Variants in NRXN1 observed in about 807,000 individuals in gnomAD.
The protein encoded by NRXN1 is neurexin 1.
A neutral mutation model predicts 150.9 loss-of-function variants in NRXN1; 39 were observed. The ratio of observed to expected loss-of-function variants is 0.26; its 90% CI spans 0.20 to 0.34. The LOEUF (loss-of-function observed/expected upper bound fraction) is 0.34, where lower values mean the gene tolerates loss of function less well. NRXN1 is among the 10% of genes least tolerant of loss of function. NRXN1 has a pLI of 1.00. For synonymous variants in NRXN1, 924 were observed against 757.0 expected (o/e 1.22, Z -3.62); for missense variants, 1,815 against 1,949.9 (o/e 0.93, Z 1.30).
chr2:49,966,405 TGAAAATCTCATAA>T (rs1483982861), intron 21 of NRXN1, among the ~76,000 whole-genome samples: 2 of 152,138 alleles, frequency 1.3e-5, no homozygotes, highest in Admixed American at 6.5e-5. Flanking sequence ...ATTTTCAATA[TGAAAATCTCATAA>T]GAAAATCTCA....
chr2:50,568,145 T>G (rs1670147222), intron 8 of NRXN1, among the ~76,000 whole-genome samples: 1 of 152,132 alleles, frequency 6.6e-6, no homozygotes, highest in African/African-American at 2.4e-5. Context: ...AGCCTATTTC[T>G]ACCTCAACCT....
intron 5 of NRXN1, among the ~76,000 whole-genome samples, chr2:50,628,824 C>A (rs1333483341): frequency 6.6e-6 from 1 of 151,152 alleles, no homozygotes; most frequent in Admixed American, 6.6e-5. Context: ...ATAACAACAA[C>A]AACAAAAAAC....
chr2:50,234,732 A>C (rs2065261383), intron 18 of NRXN1, among the ~76,000 whole-genome samples: 1 of 152,066 alleles, frequency 6.6e-6, no homozygotes, highest in Admixed American at 6.6e-5. Context: ...GATTTTGAAG[A>C]TATCAAGTCC....
At chr2:50,302,626 T>C (rs17040458) in intron 17 of NRXN1, among the ~76,000 whole-genome samples, 26,909 of 152,124 alleles carry the variant, frequency 0.18, 2,628 homozygotes, top group East Asian at 0.4. Flanking sequence ...ACTTTAGCTC[T>C]TATATAAATG....
At chr2:50,731,486 A>G (rs1698107585) in intron 5 of NRXN1, among the ~76,000 whole-genome samples, 1 of 152,320 alleles carries the variant, frequency 6.6e-6, no homozygotes, top group Non-Finnish European at 1.5e-5. Flanking sequence ...GCAGATACAG[A>G]AATAAAGTGA....
At chr2:50,086,068 C>T (rs183397283) in intron 19 of NRXN1, among the ~76,000 whole-genome samples, 19 of 152,126 alleles carry the variant, frequency 1.2e-4, no homozygotes, top group Middle Eastern at 3.4e-3. Flanking sequence ...AAATGAAGGA[C>T]GTGGAATAGA....
intron 5 of NRXN1, among the ~76,000 whole-genome samples, chr2:50,631,908 T>G (rs1375857395): frequency 6.6e-6 from 1 of 151,962 alleles, no homozygotes; most frequent in Admixed American, 6.6e-5. Context: ...TCTTTTAACC[T>G]GAAGAAAATC....
chr2:49,948,180 A>T (rs960136826), intron 21 of NRXN1, among the ~76,000 whole-genome samples: 4 of 152,046 alleles, frequency 2.6e-5, no homozygotes, highest in Non-Finnish European at 5.9e-5. Flanking sequence ...CAACTGTGTG[A>T]CTCAGTGGGT....
chr2:50,785,832 C>T (rs1050326097), intron 5 of NRXN1, among the ~76,000 whole-genome samples: 1 of 151,986 alleles, frequency 6.6e-6, no homozygotes, highest in Non-Finnish European at 1.5e-5. Flanking sequence ...TCTGAGGAGG[C>T]TATTCTAGAG....
chr2:50,849,256 C>G (rs530151360), intron 5 of NRXN1, among the ~76,000 whole-genome samples: 4 of 152,208 alleles, frequency 2.6e-5, no homozygotes, highest in African/African-American at 7.2e-5. Flanking sequence ...ACCACAGGCC[C>G]TTGATCTCCC....
At chr2:50,160,556 G>T (rs962259647) in intron 18 of NRXN1, among the ~76,000 whole-genome samples, 2 of 151,808 alleles carry the variant, frequency 1.3e-5, no homozygotes, top group Non-Finnish European at 2.9e-5. Context: ...AAAAAAAATG[G>T]CTTTCTGTTA....
intron 5 of NRXN1, among the ~76,000 whole-genome samples, chr2:50,806,304 G>A (rs1295316970): frequency 6.6e-6 from 1 of 152,094 alleles, no homozygotes; most frequent in African/African-American, 2.4e-5. Flanking sequence ...TGTAACTAAT[G>A]ATGGCTTCCA....
chr2:50,868,246 G>C (rs1315236102), intron 5 of NRXN1, among the ~76,000 whole-genome samples: 1 of 146,860 alleles, frequency 6.8e-6, no homozygotes, highest in Admixed American at 6.8e-5. Flanking sequence ...CATATATTTT[G>C]CAGGAACATG....
intron 17 of NRXN1, among the ~76,000 whole-genome samples, chr2:50,357,613 T>C (rs2078912981): frequency 6.6e-6 from 1 of 152,090 alleles, no homozygotes; most frequent in African/African-American, 2.4e-5. Flanking sequence ...CAGGCATATT[T>C]TTATTTATTT....
At chr2:50,626,598 C>T (rs984184529) in intron 5 of NRXN1, among the ~76,000 whole-genome samples, 1 of 151,864 alleles carries the variant, frequency 6.6e-6, no homozygotes, top group Non-Finnish European at 1.5e-5. Flanking sequence ...ATCTTTACAT[C>T]CTTTGTTCAC....
intron 5 of NRXN1, among the ~76,000 whole-genome samples, chr2:50,895,910 C>A (rs17571325): frequency 0.14 from 21,744 of 151,910 alleles, 1,810 homozygotes; most frequent in Middle Eastern, 0.21. Context: ...AGGGCATTGA[C>A]ATTCCAAACG....
At chr2:50,755,840 A>G (rs1342415947) in intron 5 of NRXN1, among the ~76,000 whole-genome samples, 1 of 151,866 alleles carries the variant, frequency 6.6e-6, no homozygotes, top group Non-Finnish European at 1.5e-5. Flanking sequence ...GCTTTTCAAA[A>G]ATGAAGACCA....
intron 18 of NRXN1, among the ~76,000 whole-genome samples, chr2:50,203,658 A>T (rs1426743948): frequency 6.6e-6 from 1 of 152,174 alleles, no homozygotes; most frequent in African/African-American, 2.4e-5. Context: ...TATTCTTAGG[A>T]TAAAAAGGTT....
chr2:50,797,606 C>T (rs1041440237), intron 5 of NRXN1, among the ~76,000 whole-genome samples: 3 of 152,092 alleles, frequency 2.0e-5, no homozygotes, highest in Non-Finnish European at 4.4e-5. Flanking sequence ...TCTATGCAAA[C>T]TCGGGAACAC....
Sources: gnomAD v4.1 joint callset for allele counts (sites outside exome capture counted in the v4.1 genomes callset) on GRCh38, gnomAD v4.1.1 for gene constraint, MANE v1.5 for transcripts, NCBI Gene and HGNC (gene_info 2026-07-23, HGNC 2026-07-21) for gene names.